Variants in GRID2 observed in about 807,000 individuals in gnomAD.
GRID2 encodes the protein glutamate receptor ionotropic, delta-2.
Under a neutral mutation model 114.8 loss-of-function variants are expected in GRID2, and 33 were observed. The observed-to-expected ratio is 0.29, with a 90% CI of 0.22 to 0.38. The LOEUF is 0.38. Ranked by LOEUF, GRID2 falls within the 10% of genes least tolerant of loss-of-function variation. The probability of loss-of-function intolerance (pLI) is 1.00; values close to 1 mark genes in which losing one functional copy is unlikely to be tolerated. For synonymous variants in GRID2, 505 were observed against 449.9 expected (o/e 1.12, Z -1.55); for missense variants, 1,184 against 1,257.7 (o/e 0.94, Z 0.89).
intron 7 of GRID2, among the ~76,000 whole-genome samples, chr4:93,236,925 G>A (rs1746869250): frequency 6.6e-6 from 1 of 152,002 alleles, no homozygotes; most frequent in Non-Finnish European, 1.5e-5. Context: ...AAGTAACAGT[G>A]GAAGTAATGA....
At chr4:93,663,861 C>T (rs1026222343) in intron 14 of GRID2, among the ~76,000 whole-genome samples, 2 of 152,134 alleles carry the variant, frequency 1.3e-5, no homozygotes, top group Non-Finnish European at 2.9e-5. Flanking sequence ...TGGGAGATTG[C>T]TTTAGTGTAT....
chr4:93,404,661 T>C (rs1766234988), intron 9 of GRID2, among the ~76,000 whole-genome samples: 1 of 152,148 alleles, frequency 6.6e-6, no homozygotes, highest in Non-Finnish European at 1.5e-5. Flanking sequence ...ATTCTTCTTA[T>C]GCACAGACTG....
At chr4:93,208,177 T>C (rs1178985872) in intron 5 of GRID2, among the ~76,000 whole-genome samples, 1 of 151,920 alleles carries the variant, frequency 6.6e-6, no homozygotes, top group Non-Finnish European at 1.5e-5. Context: ...AATGTAATAT[T>C]TACTTATTCA....
chr4:92,978,979 C>A (rs1754029321), intron 2 of GRID2, among the ~76,000 whole-genome samples: 1 of 152,038 alleles, frequency 6.6e-6, no homozygotes, highest in Admixed American at 6.6e-5. Context: ...TATGATTGCA[C>A]CCCTGCACTC....
At chr4:93,006,246 T>C (rs1325700744) in intron 2 of GRID2, among the ~76,000 whole-genome samples, 1 of 152,068 alleles carries the variant, frequency 6.6e-6, no homozygotes, top group Non-Finnish European at 1.5e-5. Flanking sequence ...AAATGACACC[T>C]GTAACAATAG....
chr4:93,070,757 T>A (rs1300033379), intron 2 of GRID2, among the ~76,000 whole-genome samples: 1 of 152,082 alleles, frequency 6.6e-6, no homozygotes, highest in African/African-American at 2.4e-5. Context: ...CTAAAATATA[T>A]CTTATTACAA....
chr4:93,476,284 A>T (rs1312018981), intron 11 of GRID2, among the ~76,000 whole-genome samples: 1 of 152,186 alleles, frequency 6.6e-6, no homozygotes, highest in Non-Finnish European at 1.5e-5. Flanking sequence ...TAAATAAAAA[A>T]TACATGAAAT....
chr4:92,744,488 A>C, intron 2 of GRID2, among the ~76,000 whole-genome samples: 1 of 134,510 alleles, frequency 7.4e-6, no homozygotes, highest in African/African-American at 2.9e-5. Context: ...CCTCCATCTC[A>C]AAAAAAAAAA....
At chr4:92,365,392 T>C (rs1033405432) in intron 1 of GRID2, among the ~76,000 whole-genome samples, 1 of 151,924 alleles carries the variant, frequency 6.6e-6, no homozygotes, top group Non-Finnish European at 1.5e-5. Flanking sequence ...GAGAGACAAA[T>C]ACCATATGAT....
At chr4:93,343,494 CA>C (rs1238928580) in intron 8 of GRID2, among the ~76,000 whole-genome samples, 14 of 152,082 alleles carry the variant, frequency 9.2e-5, no homozygotes, top group African/African-American at 3.4e-4. Context: ...AAAAAAGATA[CA>C]GTGAAAGGGC....
In GRID2 at chr4:92,307,973, A is replaced by G. The variant is rs374118503; in HGVS notation, c.88+3229A>G. On this transcript the variant is annotated intron_variant, in intron 1 of 15. Transcript: ENST00000282020. ...AGTTTCCTAATGATCTGCATGCTGT[A>G]GGAAGAACCAAAAAGTCGTGAGTGG... 7.9e-5 allele frequency among the ~76,000 whole-genome samples: 12 copies of G among 152,200 alleles called. No homozygotes were observed. In the East Asian group the frequency reaches 2.1e-3, roughly 27 times the overall value.
rs569826504 is a variant in GRID2, at chr4:92,797,638, TG to T, written c.244+207353del. ...TTGTATATTTTATGATAGTGAATGATGAAAAAAAGTATCTTTATATTTTATG... is the reference window on the plus strand; with the variant it reads ...TTGTATATTTTATGATAGTGAATGATAAAAAAAGTATCTTTATATTTTATG... On this transcript the variant is annotated intron_variant, in intron 2 of 15. Transcript: ENST00000282020. 4.4e-3 allele frequency among the ~76,000 whole-genome samples: 667 copies of T among 152,130 alleles called. 2 individuals are homozygous for T. The highest frequency in any genetic ancestry group is 0.013 in the African/African-American group (541 of 41,556).
intron 14 of GRID2, among the ~76,000 whole-genome samples, chr4:93,727,268 G>C (rs1730006886): frequency 6.6e-6 from 1 of 152,132 alleles, no homozygotes; most frequent in African/African-American, 2.4e-5. Context: ...TTTTGGTTCT[G>C]TTTATATGCT....
At chr4:92,435,852 G>A (rs115974645) in intron 1 of GRID2, among the ~76,000 whole-genome samples, 1 of 152,252 alleles carries the variant, frequency 6.6e-6, no homozygotes, top group Non-Finnish European at 1.5e-5. Context: ...ATATTTGTCA[G>A]GAATATTGCA....
chr4:93,450,292 G>A (rs1722557459), intron 10 of GRID2, among the ~76,000 whole-genome samples: 1 of 151,782 alleles, frequency 6.6e-6, no homozygotes, highest in African/African-American at 2.4e-5. Flanking sequence ...AGAGTACAGG[G>A]AAGCAGGTAT....
At chr4:93,626,551 AAAC>A (rs1742753726) in intron 14 of GRID2, 116 bp downstream of exon 14, 10 of 618,562 alleles carry the variant, frequency 1.6e-5, no homozygotes, top group Admixed American at 3.0e-5. Flanking sequence ...GAAGCACAAT[AAAC>A]AACAACAACA....
intron 12 of GRID2, among the ~76,000 whole-genome samples, chr4:93,492,511 G>A (rs75807389): frequency 2.6e-5 from 4 of 151,852 alleles, no homozygotes; most frequent in South Asian, 2.1e-4. Context: ...GAAGAAACTC[G>A]TCATAGCATT....
At chr4:93,348,614 A>T (rs1760477249) in intron 8 of GRID2, among the ~76,000 whole-genome samples, 1 of 152,092 alleles carries the variant, frequency 6.6e-6, no homozygotes, top group Non-Finnish European at 1.5e-5. Flanking sequence ...TTGGAAGATG[A>T]GGCCCCAGAC....
At chr4:93,398,149 A>ATATATATATATC (rs1560579261) in intron 9 of GRID2, among the ~76,000 whole-genome samples, 14 of 145,396 alleles carry the variant, frequency 9.6e-5, no homozygotes, top group African/African-American at 3.7e-4. Context: ...ATATATATAT[A>ATATATATATATC]TATCTTATCA....
Sources: allele counts gnomAD v4.1 joint callset (sites outside exome capture counted in the v4.1 genomes callset), GRCh38; gene constraint gnomAD v4.1.1; transcripts MANE v1.5; gene names NCBI Gene and HGNC (gene_info 2026-07-23, HGNC 2026-07-21).